Variants in NR2C2 observed in about 807,000 individuals in gnomAD.
NR2C2 encodes the protein nuclear receptor subfamily 2 group C member 2.
In NR2C2, 6 loss-of-function variants were observed where a neutral mutation model predicts 62.9. The ratio of observed to expected loss-of-function variants is 0.10; its 90% CI spans 0.05 to 0.19. The LOEUF is 0.19. NR2C2 is among the 10% of genes least tolerant of loss of function. The probability of loss-of-function intolerance (pLI) is 1.00; values close to 1 mark genes in which losing one functional copy is unlikely to be tolerated. For synonymous variants in NR2C2, 272 were observed against 273.8 expected (o/e 0.99, Z 0.07); for missense variants, 479 against 762.7 (o/e 0.63, Z 4.38).
rs2041949718 is a variant in NR2C2 at position 15,030,416 on chromosome 3, A to C, written c.1074A>C (p.Glu358Asp). 1 of 1,605,848 alleles carries C rather than the reference A, an allele frequency of 6.2e-7. No homozygotes were observed. Among genetic ancestry groups the C allele is most frequent in the Non-Finnish European group, 8.5e-7 (1 of 1,177,546 alleles). Reference protein sequence around the residue: ...RDQSTPIIEVEGPLLSDTHVT... With the variant: ...RDQSTPIIEVDGPLLSDTHVT... Reference sequence around the variant, plus strand: ...AGTCGACACCCATCATTGAGGTTGAAGGCCCCCTCCTTTCAGACACACACG... The same window carrying C: ...AGTCGACACCCATCATTGAGGTTGACGGCCCCCTCCTTTCAGACACACACG... Residue 358 changes from glutamate (E) to aspartate (D), a missense_variant, in exon 9 of 14, where the codon GAA becomes GAC. By Grantham distance (45) the Glu-to-Asp change is conservative. Transcript: ENST00000425241.
intron 4 of NR2C2, among the ~76,000 whole-genome samples, chr3:15,018,381 C>T (rs1291579246): frequency 1.3e-5 from 2 of 152,252 alleles, no homozygotes; most frequent in African/African-American, 4.8e-5. Context: ...CTACCCAGAA[C>T]ATATAGCGAA....
chr3:14,995,182 A>G (rs1199975032), intron 1 of NR2C2, among the ~76,000 whole-genome samples: 2 of 150,744 alleles, frequency 1.3e-5, no homozygotes, highest in Non-Finnish European at 3.0e-5. Context: ...TAATTTTTTA[A>G]TAGAGACCAA....
rs1574991245 is a variant in NR2C2, at chr3:15,004,716, A to AAT, written c.72+730_72+731insAT. ...AACAAGCTGAATCAAAAAGCCAATT[A>AAT]TAACGGTTGATTTCTCTGTTTTTCT... On this transcript the variant is annotated intron_variant, in intron 2 of 13. Transcript: ENST00000425241. 13 of 1,332,096 alleles carry AAT rather than the reference A, an allele frequency of 9.8e-6. No individual in the cohort carries two copies. The East Asian group carries it at 3.1e-4, about 32-fold the overall frequency. The allele number at this position is 1,332,096 out of a possible 1,614,324, so 82.5% of individuals were successfully genotyped here. A position where few individuals can be genotyped will look rare whatever the true frequency, so the allele number is the denominator to read the frequency against.
intron 1 of NR2C2, among the ~76,000 whole-genome samples, chr3:14,974,216 A>G (rs949875330): frequency 3.9e-5 from 6 of 152,180 alleles, no homozygotes; most frequent in Admixed American, 3.9e-4. Context: ...TTCACTTAGC[A>G]TAATATCCTC....
intron 8 of NR2C2, among the ~76,000 whole-genome samples, chr3:15,029,379 C>T (rs1037463538): frequency 6.6e-6 from 1 of 152,122 alleles, no homozygotes; most frequent in African/African-American, 2.4e-5. Flanking sequence ...AAGGATGTTT[C>T]TTCTCTGCAG....
At chr3:14,969,626 T>G (rs540382688) in intron 1 of NR2C2, among the ~76,000 whole-genome samples, 17 of 152,328 alleles carry the variant, frequency 1.1e-4, no homozygotes, top group African/African-American at 3.4e-4. Context: ...GCTTACTGAT[T>G]GGCAGAAAGA....
chr3:15,045,014 C>T lies in NR2C2; in HGVS notation c.*2006C>T, dbSNP rs564876962. The T allele has an allele frequency of 2.0e-5, 3 of 152,304 alleles. No homozygotes were observed. Among genetic ancestry groups the T allele is most frequent in the African/African-American group, 7.2e-5 (3 of 41,564 alleles). The allele number at this position is 152,304 out of a possible 1,614,324, so 9.4% of individuals were successfully genotyped here. On this transcript the variant is annotated 3_prime_UTR_variant, in exon 14 of 14. Coordinates refer to ENST00000425241, the MANE Select transcript of NR2C2 (RefSeq NM_001291694.2). ...AAATGATGGAAAGGATTTAATTTTG[C>T]CAGCTTAAAGTAATTTTTACTTTTC...
intron 1 of NR2C2, among the ~76,000 whole-genome samples, chr3:14,968,270 A>G (rs1465222625): frequency 1.3e-5 from 2 of 152,234 alleles, no homozygotes; most frequent in South Asian, 2.1e-4. Context: ...AGAATCTACA[A>G]TGAACTCAAA....
chr3:15,037,320 C>T (rs547758235), intron 11 of NR2C2, among the ~76,000 whole-genome samples: 1 of 152,130 alleles, frequency 6.6e-6, no homozygotes, highest in African/African-American at 2.4e-5. Context: ...GGCCTCCTGC[C>T]TTGGCCTCCC....
At chr3:14,974,677 C>T (rs1325678203) in intron 1 of NR2C2, among the ~76,000 whole-genome samples, 1 of 150,464 alleles carries the variant, frequency 6.6e-6, no homozygotes, top group Non-Finnish European at 1.5e-5. Flanking sequence ...AATTTAGGCT[C>T]ACTGCAACCT....
At chr3:14,966,072 C>T (rs1453504296) in intron 1 of NR2C2, among the ~76,000 whole-genome samples, 1 of 152,126 alleles carries the variant, frequency 6.6e-6, no homozygotes, top group Admixed American at 6.5e-5. Context: ...ATTTGATTAG[C>T]TAAATGAGTA....
chr3:14,976,291 A>G (rs74721047), intron 1 of NR2C2, among the ~76,000 whole-genome samples: 5,509 of 152,198 alleles, frequency 0.036, 356 homozygotes, highest in African/African-American at 0.12. Flanking sequence ...ATACTCCCAC[A>G]TCTCTTCCCT....
chr3:15,039,774 C>T (rs972680923), intron 13 of NR2C2, among the ~76,000 whole-genome samples: 6 of 152,038 alleles, frequency 3.9e-5, no homozygotes, highest in African/African-American at 1.2e-4. Context: ...GTCATTTTAC[C>T]CTCAGATAAA....
At chr3:15,012,207 G>T (rs962380885) in intron 2 of NR2C2, among the ~76,000 whole-genome samples, 10 of 151,432 alleles carry the variant, frequency 6.6e-5, no homozygotes, top group East Asian at 1.9e-4. Flanking sequence ...TGAGTTTGTT[G>T]TCTCAACCTT....
At chr3:15,014,000 T>C (rs912423378) in intron 3 of NR2C2, among the ~76,000 whole-genome samples, 1 of 152,082 alleles carries the variant, frequency 6.6e-6, no homozygotes, top group Non-Finnish European at 1.5e-5. Flanking sequence ...TCAGAGAGGA[T>C]GGAAGTAGAA....
Position 15,048,899 on chromosome 3 carries a change from T to C in NR2C2, c.*5891T>C, listed in dbSNP as rs1187897744. The C allele has an allele frequency of 6.5e-6, 1 of 152,688 alleles. No individual in the cohort carries two copies. Among genetic ancestry groups the C allele is most frequent in the East Asian group, 1.9e-4 (1 of 5,202 alleles). 9.5% of individuals were successfully genotyped at this position (152,688 alleles called of 1,614,324 possible). A position where few individuals can be genotyped will look rare whatever the true frequency, so the allele number is the denominator to read the frequency against. Reference sequence around the variant, plus strand: ...TCAAAGGAAAATTTGGGTGTTAGATTTTCTTGGGACCGTTTCTGTAACCTT... The same window carrying C: ...TCAAAGGAAAATTTGGGTGTTAGATCTTCTTGGGACCGTTTCTGTAACCTT... On this transcript the variant is annotated 3_prime_UTR_variant, in exon 14 of 14. Transcript: ENST00000425241.
At chr3:15,008,943 G>A (rs1466314612) in intron 2 of NR2C2, among the ~76,000 whole-genome samples, 5 of 152,260 alleles carry the variant, frequency 3.3e-5, no homozygotes, top group Non-Finnish European at 5.9e-5. Context: ...GTACTTGGTC[G>A]GGCGCGGCGG....
chr3:15,024,318 C>T, intron 7 of NR2C2, 110 bp downstream of exon 7: 1 of 701,442 alleles, frequency 1.4e-6, no homozygotes, highest in Non-Finnish European at 2.4e-6. Flanking sequence ...ACATCAAAAG[C>T]ATGACCTATG....
intron 13 of NR2C2, among the ~76,000 whole-genome samples, chr3:15,039,636 C>T (rs1481898760): frequency 6.6e-6 from 1 of 152,168 alleles, no homozygotes; most frequent in Non-Finnish European, 1.5e-5. Flanking sequence ...GAAAGGTCTG[C>T]TCCTCTGGTC....
Sources: allele counts gnomAD v4.1 joint callset (sites outside exome capture counted in the v4.1 genomes callset), GRCh38; gene constraint gnomAD v4.1.1; transcripts MANE v1.5; gene names NCBI Gene and HGNC (gene_info 2026-07-23, HGNC 2026-07-21).